ARHGEF26: variants seen among roughly 807,000 people sequenced by gnomAD.
ARHGEF26 encodes Rho guanine nucleotide exchange factor (GEF) 26.
A neutral mutation model predicts 89.4 loss-of-function variants in ARHGEF26; 59 were observed. That is an observed-to-expected ratio of 0.66 (90% CI 0.54 to 0.82). ARHGEF26 has a LOEUF of 0.82. Among genes scored for constraint, ARHGEF26 ranks in the 40% least tolerant of loss-of-function variants. The pLI is 0.00. For missense variants in ARHGEF26, 1,234 were observed against 1,085.6 expected, an observed-to-expected ratio of 1.14 and a Z score of -1.92; for synonymous variants, 500 against 428.4, an observed-to-expected ratio of 1.17 and a Z score of -2.06.
chr3:154,216,502 A>ATTTTTTT (rs1293834056), intron 9 of ARHGEF26, among the ~76,000 whole-genome samples: 115 of 48,842 alleles, frequency 2.4e-3, no homozygotes, highest in South Asian at 6.9e-3. Context: ...ATTTTTTTTT[A>ATTTTTTT]TTTTTTATTT....
chr3:154,157,227 C>A (rs1273602704), intron 6 of ARHGEF26, among the ~76,000 whole-genome samples: 1 of 152,106 alleles, frequency 6.6e-6, no homozygotes, highest in Non-Finnish European at 1.5e-5. Flanking sequence ...CTCCTAAGTT[C>A]CAAAGCATTT....
At position 154,225,926 on chromosome 3, in the gene ARHGEF26, C is replaced by T; in HGVS notation, c.2006C>T (p.Thr669Ile). 1 of 1,612,762 alleles carries T rather than the reference C, an allele frequency of 6.2e-7. No individual in the cohort carries two copies. Among genetic ancestry groups the T allele is most frequent in the Non-Finnish European group, 8.5e-7 (1 of 1,179,302 alleles). Residue 669 changes from threonine (T) to isoleucine (I), a missense_variant, in exon 11 of 15, where the codon ACT becomes ATT. Transcript: ENST00000465093. ...RGELTAYVED[T>I]VLFSRRTSKQ... ...GAATTGACAGCCTATGTTGAAGACA[C>T]TGTGCTTTTCTCAAGAAGGACATCC...
intron 12 of ARHGEF26, among the ~76,000 whole-genome samples, chr3:154,251,134 A>G (rs967168538): frequency 5.3e-5 from 8 of 152,164 alleles, no homozygotes; most frequent in Non-Finnish European, 1.0e-4. Context: ...CCTGCCTTCC[A>G]TCATTATTTT....
At chr3:154,144,397 G>A (rs1178761838) in intron 4 of ARHGEF26, among the ~76,000 whole-genome samples, 2 of 152,138 alleles carry the variant, frequency 1.3e-5, no homozygotes, top group African/African-American at 4.8e-5. Flanking sequence ...AACAGTACCT[G>A]GTTCATGGTA....
At chr3:154,159,678 T>A (rs1477862507) in intron 6 of ARHGEF26, among the ~76,000 whole-genome samples, 1 of 152,178 alleles carries the variant, frequency 6.6e-6, no homozygotes, top group Non-Finnish European at 1.5e-5. Context: ...TGACAATTTA[T>A]GTAAATAATA....
At chr3:154,210,898 G>C (rs1194660937) in intron 9 of ARHGEF26, among the ~76,000 whole-genome samples, 10 of 151,090 alleles carry the variant, frequency 6.6e-5, no homozygotes, top group Non-Finnish European at 1.2e-4. Flanking sequence ...AGCCAAGGTC[G>C]CACCATTGCA....
At chr3:154,124,010 C>G (rs1718166058) in intron 2 of ARHGEF26, among the ~76,000 whole-genome samples, 1 of 152,134 alleles carries the variant, frequency 6.6e-6, no homozygotes, top group African/African-American at 2.4e-5. Context: ...CACAAGCAAG[C>G]CTGTTTTATT....
chr3:154,255,269 C>A (rs1718425435), intron 14 of ARHGEF26, 62 bp from the exon 15 acceptor site: 1 of 1,541,570 alleles, frequency 6.5e-7, no homozygotes, highest in Non-Finnish European at 8.8e-7. Flanking sequence ...TTTTTCATAT[C>A]CTTGGAGCCT....
At chr3:154,176,962 G>A (rs1299363509) in intron 6 of ARHGEF26, among the ~76,000 whole-genome samples, 1 of 152,008 alleles carries the variant, frequency 6.6e-6, no homozygotes, top group Non-Finnish European at 1.5e-5. Context: ...TCTCTAAAAG[G>A]GGATTGATGC....
chr3:154,256,821 G>A lies in ARHGEF26; in HGVS notation c.*1348G>A. 1 of 1,521,966 alleles carries A rather than the reference G, an allele frequency of 6.6e-7. No individual in the cohort carries two copies. Among genetic ancestry groups the A allele is most frequent in the African/African-American group, 1.4e-5 (1 of 72,152 alleles). 94.3% of individuals were successfully genotyped at this position (1,521,966 alleles called of 1,614,324 possible). A position where few individuals can be genotyped will look rare whatever the true frequency, so the allele number is the denominator to read the frequency against. ...AAAGCCTTAACTTGCTGTATTCAGA[G>A]TCCCTCTTAACTGTGAGTTTCTATA... On this transcript the variant is annotated 3_prime_UTR_variant, in exon 15 of 15. Coordinates refer to ENST00000465093, the MANE Select transcript of ARHGEF26 (RefSeq NM_015595.4).
chr3:154,167,829 A>C (rs541672707), intron 6 of ARHGEF26, among the ~76,000 whole-genome samples: 1 of 152,248 alleles, frequency 6.6e-6, no homozygotes, highest in South Asian at 2.1e-4. Context: ...TCTGATCTAT[A>C]CTTCAGGTTC....
chr3:154,154,498 A>T (rs1720210306), intron 6 of ARHGEF26, among the ~76,000 whole-genome samples: 1 of 152,004 alleles, frequency 6.6e-6, no homozygotes, highest in Non-Finnish European at 1.5e-5. Flanking sequence ...TATCAATTAT[A>T]CCTCAATAAA....
chr3:154,194,204 G>A (rs1287059115), intron 8 of ARHGEF26, among the ~76,000 whole-genome samples: 1 of 152,146 alleles, frequency 6.6e-6, no homozygotes, highest in Non-Finnish European at 1.5e-5. Flanking sequence ...GATAATTAAA[G>A]TAACTCTTAT....
intron 4 of ARHGEF26, among the ~76,000 whole-genome samples, chr3:154,131,774 C>T (rs1256969575): frequency 6.6e-6 from 1 of 152,204 alleles, no homozygotes; most frequent in Non-Finnish European, 1.5e-5. Flanking sequence ...ACCCTGATCT[C>T]AGTTTAGCCC....
Position 154,121,976 on chromosome 3 carries a change from G to T in ARHGEF26, c.-17G>T, listed in dbSNP as rs1378226954. 6.3e-7 allele frequency: 1 copy of T among 1,575,612 alleles called. No individual in the cohort carries two copies. Among genetic ancestry groups the T allele is most frequent in the East Asian group, 2.3e-5 (1 of 44,202 alleles). ...ACTCGGTGTTGCTCCTCCCGGCGCTGACTTCGAGGCCCGGCTATGGACGGC... is the reference window on the plus strand; with the variant it reads ...ACTCGGTGTTGCTCCTCCCGGCGCTTACTTCGAGGCCCGGCTATGGACGGC... On this transcript the variant is annotated 5_prime_UTR_variant, in exon 2 of 15. Coordinates refer to ENST00000465093, the MANE Select transcript of ARHGEF26 (RefSeq NM_015595.4).
rs1416597757 is a variant in ARHGEF26, at chr3:154,187,970, G to GT, written c.1640+136dup. On this transcript the variant is annotated intron_variant, in intron 7 of 14. Coordinates refer to ENST00000465093, the MANE Select transcript of ARHGEF26 (RefSeq NM_015595.4). Reference sequence around the variant, plus strand: ...ATAGGCTATTTCCCAGAGGAGAAATGTTTAAGAGCATTACTTTTAGGGTGA... The same window carrying GT: ...ATAGGCTATTTCCCAGAGGAGAAATGTTTTAAGAGCATTACTTTTAGGGTGA... 3 of 905,292 alleles carry GT rather than the reference G, an allele frequency of 3.3e-6. No individual in the cohort carries two copies. In the African/African-American group the frequency reaches 5.0e-5, roughly 15 times the overall value. The allele number at this position is 905,292 out of a possible 1,614,324, so 56.1% of individuals were successfully genotyped here.
chr3:154,216,502 A>ATTTT (rs1293834056), intron 9 of ARHGEF26, among the ~76,000 whole-genome samples: 1 of 49,120 alleles, frequency 2.0e-5, no homozygotes, highest in African/African-American at 8.1e-5. Context: ...ATTTTTTTTT[A>ATTTT]TTTTTTATTT....
At chr3:154,134,118 T>C (rs559224491) in intron 4 of ARHGEF26, among the ~76,000 whole-genome samples, 3 of 152,206 alleles carry the variant, frequency 2.0e-5, no homozygotes, top group Non-Finnish European at 4.4e-5. Context: ...GTTTTCCATA[T>C]ATAGGATCAT....
intron 12 of ARHGEF26, among the ~76,000 whole-genome samples, chr3:154,248,034 C>A (rs569464975): frequency 9.8e-4 from 149 of 152,332 alleles, no homozygotes; most frequent in African/African-American, 3.3e-3. Flanking sequence ...CTGGCACACA[C>A]AACAGGCTGT....
Sources: gnomAD v4.1 joint callset for allele counts (sites outside exome capture counted in the v4.1 genomes callset) on GRCh38, gnomAD v4.1.1 for gene constraint, MANE v1.5 for transcripts, NCBI Gene and HGNC (gene_info 2026-07-23, HGNC 2026-07-21) for gene names.